The following UBR3 variants were observed in gnomAD, a reference collection of about 807,000 sequenced individuals.
UBR3 encodes E3 ubiquitin-protein ligase UBR3.
A neutral mutation model predicts 243.2 loss-of-function variants in UBR3; 85 were observed. The ratio of observed to expected loss-of-function variants is 0.35; its 90% CI spans 0.29 to 0.42. The LOEUF (loss-of-function observed/expected upper bound fraction) is 0.42, where lower values mean the gene tolerates loss of function less well. Ranked by LOEUF, UBR3 falls within the 10% of genes least tolerant of loss-of-function variation. The pLI is 1.00. For synonymous variants in UBR3, 748 were observed against 799.8 expected (o/e 0.94, Z 1.09); for missense variants, 1,686 against 2,300.8 (o/e 0.73, Z 5.47).
intron 1 of UBR3, among the ~76,000 whole-genome samples, chr2:169,835,997 C>G (rs13423588): frequency 2.5e-5 from 1 of 40,474 alleles, no homozygotes; most frequent in Non-Finnish European, 3.9e-5. Context: ...TGCACTGTCT[C>G]TCTCTCTCTC....
At chr2:169,828,387 C>G (rs1289871191) in intron 1 of UBR3, among the ~76,000 whole-genome samples, 2 of 152,028 alleles carry the variant, frequency 1.3e-5, no homozygotes, top group African/African-American at 4.8e-5. Flanking sequence ...GTCGAGCTGT[C>G]AAGTGTGTAC....
intron 1 of UBR3, among the ~76,000 whole-genome samples, chr2:169,847,970 T>C (rs920481615): frequency 3.3e-5 from 5 of 152,376 alleles, no homozygotes; most frequent in African/African-American, 1.2e-4. Context: ...TTTTTAGTAC[T>C]CTGTCCTATA....
intron 6 of UBR3, among the ~76,000 whole-genome samples, chr2:169,894,288 A>G (rs1313258875): frequency 7.8e-6 from 1 of 128,362 alleles, no homozygotes; most frequent in Non-Finnish European, 1.6e-5. Flanking sequence ...ACGCCACTGC[A>G]CTCTGGCCTC....
intron 1 of UBR3, among the ~76,000 whole-genome samples, chr2:169,867,031 TA>T: frequency 6.6e-6 from 1 of 152,268 alleles, no homozygotes. Context: ...AATGATGTTT[TA>T]AATTGTGGAG....
intron 1 of UBR3, among the ~76,000 whole-genome samples, chr2:169,852,956 A>G (rs989770556): frequency 2.6e-5 from 4 of 151,966 alleles, no homozygotes; most frequent in African/African-American, 9.7e-5. Context: ...TTTCTCAACC[A>G]AATTATTAGC....
intron 5 of UBR3, among the ~76,000 whole-genome samples, chr2:169,878,780 C>T (rs527961671): frequency 2.0e-5 from 3 of 152,182 alleles, no homozygotes; most frequent in East Asian, 1.9e-4. Flanking sequence ...AGTGAGAGAA[C>T]GAGGTGTGTA....
At chr2:170,017,609 C>G (rs944738433) in intron 30 of UBR3, among the ~76,000 whole-genome samples, 1 of 151,010 alleles carries the variant, frequency 6.6e-6, no homozygotes, top group Admixed American at 6.6e-5. Context: ...ATTGTTCTTT[C>G]TACAACAATG....
intron 31 of UBR3, among the ~76,000 whole-genome samples, chr2:170,039,205 T>C (rs949992079): frequency 2.0e-5 from 3 of 152,138 alleles, no homozygotes; most frequent in Non-Finnish European, 2.9e-5. Context: ...TGGGACAGTG[T>C]TTCACAAAAG....
intron 14 of UBR3, 84 bp from the exon 15 acceptor site, chr2:169,926,602 CAAAAAA>C: frequency 7.3e-7 from 1 of 1,373,698 alleles, no homozygotes; most frequent in Admixed American, 2.7e-5. Context: ...AAACAAAAAA[CAAAAAA>C]CAAAAAAAAG....
In UBR3 at chr2:169,875,822, C is replaced by A; in HGVS notation, c.717C>A (p.Asn239Lys). ...ATGGACCATCAGAAAAGGACCTTAA[C>A]AAAGTCCTTCAGCTTTTGGAACCTC... ...AADGPSEKDLNKVLQLLEPQI... is the reference protein window; with the variant it reads ...AADGPSEKDLKKVLQLLEPQI... The change falls in exon 3 of 39, where the codon AAC becomes AAA. Residue 239 changes from asparagine to lysine, a missense_variant. This residue lies in a region of UBR3 where 200 missense variants were observed against 231.6 expected (regional missense o/e 0.86). Coordinates refer to ENST00000272793, the MANE Select transcript of UBR3 (RefSeq NM_172070.4). 1 of 1,545,314 alleles carries A rather than the reference C, an allele frequency of 6.5e-7. No homozygotes were observed. The highest frequency in any genetic ancestry group is 1.2e-5 in the South Asian group (1 of 82,540).
At chr2:169,854,021 G>A (rs1271712138) in intron 1 of UBR3, among the ~76,000 whole-genome samples, 4 of 151,942 alleles carry the variant, frequency 2.6e-5, no homozygotes, top group African/African-American at 9.7e-5. Flanking sequence ...GGGTCTGTTG[G>A]GGTTGGGGGC....
intron 24 of UBR3, among the ~76,000 whole-genome samples, chr2:169,976,151 T>A (rs557268532): frequency 1.8e-4 from 28 of 152,052 alleles, no homozygotes; most frequent in Non-Finnish European, 3.5e-4. Flanking sequence ...ATGCTTTAAG[T>A]GGAGAATTTA....
intron 1 of UBR3, among the ~76,000 whole-genome samples, chr2:169,860,938 C>A (rs934652616): frequency 1.1e-4 from 16 of 152,156 alleles, no homozygotes; most frequent in Admixed American, 6.5e-5. Context: ...GGCCCGAGAG[C>A]CCCTGGCAAA....
At chr2:169,831,794 T>G (rs971446288) in intron 1 of UBR3, among the ~76,000 whole-genome samples, 2 of 152,242 alleles carry the variant, frequency 1.3e-5, no homozygotes, top group Admixed American at 6.5e-5. Flanking sequence ...GAACAGAATG[T>G]TTGAACTTTT....
chr2:169,850,080 GGA>G (rs931866811), intron 1 of UBR3, among the ~76,000 whole-genome samples: 2 of 151,728 alleles, frequency 1.3e-5, no homozygotes. Context: ...CCTTCCAGTA[GGA>G]GAGAGTTTCA....
intron 8 of UBR3, among the ~76,000 whole-genome samples, chr2:169,898,139 A>G (rs1353681793): frequency 2.6e-5 from 4 of 152,206 alleles, no homozygotes; most frequent in Admixed American, 6.5e-5. Flanking sequence ...ACAACAAACA[A>G]TACTTCAGAT....
chr2:169,846,634 C>T (rs1358518597), intron 1 of UBR3, among the ~76,000 whole-genome samples: 1 of 150,712 alleles, frequency 6.6e-6, no homozygotes, highest in Non-Finnish European at 1.5e-5. Flanking sequence ...CGCTTGAACC[C>T]AGGAGGTGGA....
intron 20 of UBR3, 102 bp from the exon 21 acceptor site, chr2:169,946,186 A>C (rs934700631): frequency 3.1e-5 from 18 of 590,008 alleles, no homozygotes; most frequent in South Asian, 1.1e-4. Flanking sequence ...TCTAGATATT[A>C]AAGTACTTTT....
At chr2:169,876,864 C>T (rs1215432648) in intron 3 of UBR3, among the ~76,000 whole-genome samples, 1 of 152,030 alleles carries the variant, frequency 6.6e-6, no homozygotes, top group Non-Finnish European at 1.5e-5. Flanking sequence ...ACGCCCGGCC[C>T]TACGTCTCTT....
Sources: allele counts gnomAD v4.1 joint callset (sites outside exome capture counted in the v4.1 genomes callset), GRCh38; gene constraint gnomAD v4.1.1; regional missense constraint gnomAD v4.1.1; transcripts MANE v1.5; gene names NCBI Gene and HGNC (gene_info 2026-07-23, HGNC 2026-07-21).